Variants in NEDD9 observed in about 807,000 individuals in gnomAD.
NEDD9 encodes enhancer of filamentation 1.
A neutral mutation model predicts 76.6 loss-of-function variants in NEDD9; 26 were observed. That is an observed-to-expected ratio of 0.34 (90% confidence interval 0.25 to 0.47). The LOEUF (loss-of-function observed/expected upper bound fraction) is 0.47. Among genes scored for constraint, NEDD9 ranks in the 20% least tolerant of loss-of-function variants. The pLI, the probability that NEDD9 is intolerant of heterozygous loss-of-function variation, is 1.00. For missense variants in NEDD9, 937 were observed against 1,058.5 expected, an observed-to-expected ratio of 0.89 and a Z score of 1.59; for synonymous variants, 392 against 414.2, an observed-to-expected ratio of 0.95 and a Z score of 0.65.
intron 6 of NEDD9, among the ~76,000 whole-genome samples, chr6:11,187,547 A>G (rs1249597526): frequency 4.0e-5 from 6 of 150,670 alleles, no homozygotes; most frequent in Admixed American, 6.6e-5. Context: ...TAGAGACAGA[A>G]AGAGAGAGAG....
At chr6:11,325,391 G>A (rs992073753) in intron 2 of NEDD9, among the ~76,000 whole-genome samples, 3 of 151,628 alleles carry the variant, frequency 2.0e-5, no homozygotes, top group Admixed American at 6.6e-5. Context: ...ATTGAGAAGC[G>A]AAATAAAAGC....
At chr6:11,362,209 T>C (rs138405930) in intron 1 of NEDD9, among the ~76,000 whole-genome samples, 1 of 152,272 alleles carries the variant, frequency 6.6e-6, no homozygotes, top group Non-Finnish European at 1.5e-5. Context: ...GAGAATACAA[T>C]GAGAAGGCAG....
chr6:11,275,513 G>A (rs190277113), intron 3 of NEDD9, among the ~76,000 whole-genome samples: 165 of 151,422 alleles, frequency 1.1e-3, no homozygotes, highest in Non-Finnish European at 1.9e-3. Context: ...TAAAATATAC[G>A]CATTTCTTAT....
rs1039097037 is a variant in NEDD9 at position 11,367,973 on chromosome 6, G to A, written c.-214+14166C>T. 2.0e-5 allele frequency among the ~76,000 whole-genome samples: 3 copies of A among 152,224 alleles called. No homozygotes were observed. In the East Asian group the frequency reaches 5.8e-4, roughly 29 times the overall value. ...GGTTCTTAAAAGGGCTCTTCAGTGT[G>A]GTCAGGGCTGGTGATCAAAAGCATC... On this transcript the variant is annotated intron_variant, in intron 1 of 3. Transcript: ENST00000397378.
At chr6:11,339,139 A>G (rs771148677) in intron 1 of NEDD9, among the ~76,000 whole-genome samples, 1 of 152,104 alleles carries the variant, frequency 6.6e-6, no homozygotes, top group African/African-American at 2.4e-5. Context: ...GTGCAACCTT[A>G]TGTATGTGCA....
chr6:11,290,834 C>T (rs1006558647), intron 3 of NEDD9, among the ~76,000 whole-genome samples: 1 of 152,172 alleles, frequency 6.6e-6, no homozygotes, highest in Non-Finnish European at 1.5e-5. Context: ...AACATCTCTC[C>T]GAGGCAGGCA....
intron 2 of NEDD9, among the ~76,000 whole-genome samples, chr6:11,321,058 A>G (rs1296991174): frequency 4.0e-5 from 6 of 150,894 alleles, no homozygotes; most frequent in Admixed American, 1.3e-4. Flanking sequence ...ACAGAGAGAG[A>G]GAGAATGAAG....
In NEDD9 at chr6:11,198,099, C is replaced by G. The variant is rs1758333852; in HGVS notation, c.460-4407G>C. On this transcript the variant is annotated intron_variant, in intron 2 of 6. Transcript: ENST00000379446. The surrounding 1 kb of genome is among the most constrained non-coding windows in gnomAD (Gnocchi z 4.7). ...TGGTGCCGGGGAGACAGAACTCCTT[C>G]TACCGAAAGAGGGAAGACATTGCGC... is the stretch of plus-strand genomic sequence containing the variant. 6.6e-6 allele frequency among the ~76,000 whole-genome samples: 1 copy of G among 152,122 alleles called. No individual in the cohort carries two copies. The highest frequency in any genetic ancestry group is 1.5e-5 in the Non-Finnish European group (1 of 68,016).
chr6:11,331,445 A>G (rs1052003650), intron 2 of NEDD9, among the ~76,000 whole-genome samples: 2 of 152,176 alleles, frequency 1.3e-5, no homozygotes, highest in Non-Finnish European at 2.9e-5. Context: ...AGGAAGTATT[A>G]TATAAAACAG....
intron 1 of NEDD9, among the ~76,000 whole-genome samples, chr6:11,338,150 A>G (rs931899414): frequency 6.6e-5 from 10 of 152,348 alleles, no homozygotes; most frequent in African/African-American, 2.4e-4. Flanking sequence ...TGAAGTCACT[A>G]GAGCACACCC....
At chr6:11,228,984 G>A (rs1484864462) in intron 1 of NEDD9, among the ~76,000 whole-genome samples, 2 of 152,120 alleles carry the variant, frequency 1.3e-5, no homozygotes, top group African/African-American at 4.8e-5. Context: ...GGAAATAATT[G>A]GGAATTTAAT....
rs539534110 is a variant in NEDD9 at position 11,352,961 on chromosome 6, A to G, written c.-213-18400T>C. Among the ~76,000 whole-genome samples, 4 of 152,390 alleles carry G rather than the reference A, an allele frequency of 2.6e-5. No individual in the cohort carries two copies. In the South Asian group the frequency reaches 8.3e-4, roughly 32 times the overall value. On this transcript the variant is annotated intron_variant, in intron 1 of 3. Transcript: ENST00000397378. ...GATAAAAGCACATGTGGCACACAGT[A>G]GGCTCTTCAAGCACAAATGTGTCCT...
chr6:11,273,532 C>T (rs1467686946), intron 3 of NEDD9, among the ~76,000 whole-genome samples: 1 of 152,230 alleles, frequency 6.6e-6, no homozygotes, highest in Non-Finnish European at 1.5e-5. Flanking sequence ...TATCTGTGTG[C>T]GTTCACCTGT....
At chr6:11,349,701 T>C (rs1762428241) in intron 1 of NEDD9, among the ~76,000 whole-genome samples, 1 of 152,150 alleles carries the variant, frequency 6.6e-6, no homozygotes, top group African/African-American at 2.4e-5. Context: ...TTCTTACTTA[T>C]AAGTGGGAGC....
chr6:11,308,433 A>G (rs143416228), intron 2 of NEDD9, among the ~76,000 whole-genome samples: 2,325 of 138,180 alleles, frequency 0.017, 72 homozygotes, highest in African/African-American at 0.06. Context: ...GCAGTGGCGC[A>G]ATCTCGGCTC....
rs915685698 is a variant in NEDD9 at position 11,331,580 on chromosome 6, A to C, written c.-153+2921T>G. ...TAAAATGACAGTTCCATAACAAATT[A>C]TTGACTGGAGGAAACTGAAGATGTT... On this transcript the variant is annotated intron_variant, in intron 2 of 3. Coordinates refer to the NEDD9 transcript ENST00000397378. Among the ~76,000 whole-genome samples, 4 of 152,082 alleles carry C rather than the reference A, an allele frequency of 2.6e-5. No homozygotes were observed. In the East Asian group the frequency reaches 7.7e-4, roughly 29 times the overall value.
rs540502008 is a variant in NEDD9, at chr6:11,232,119, CAT to C, written c.12+383_12+384del. The stretch of plus-strand genomic sequence containing the variant: ...CAGACTATGCAGTCCTCATTCCTCT[CAT>C]TACAGTTCCCCAGGGCAGTGGAAGC... On this transcript the variant is annotated intron_variant, in intron 1 of 6. Coordinates refer to ENST00000379446, the MANE Select transcript of NEDD9 (RefSeq NM_006403.4). Among the ~76,000 whole-genome samples, 43 of 152,294 alleles carry C rather than the reference CAT, an allele frequency of 2.8e-4. 1 individual carries two copies. The highest frequency in any genetic ancestry group is 2.7e-3 in the Admixed American group (41 of 15,302).
rs1376223006 is a variant in NEDD9, at chr6:11,357,928, G to A, written c.-213-23367C>T. 2.0e-5 allele frequency among the ~76,000 whole-genome samples: 3 copies of A among 152,150 alleles called. No homozygotes were observed. In the East Asian group the frequency reaches 5.8e-4, roughly 29 times the overall value. On this transcript the variant is annotated intron_variant, in intron 1 of 3. Transcript: ENST00000397378. ...TCTTCCACCCAGGCAGTCCCTGTGG[G>A]TCCCGCCTCCAGAGGCAGCCATTCA... is the stretch of plus-strand genomic sequence containing the variant.
intron 3 of NEDD9, among the ~76,000 whole-genome samples, chr6:11,255,483 G>A (rs765526034): frequency 1.3e-5 from 2 of 152,174 alleles, no homozygotes; most frequent in African/African-American, 2.4e-5. Context: ...GGACTGAGGA[G>A]AATAGAATTA....
Sources: allele counts gnomAD v4.1 joint callset (sites outside exome capture counted in the v4.1 genomes callset), GRCh38; gene constraint gnomAD v4.1.1; non-coding constraint Gnocchi (gnomAD v3.1); transcripts MANE v1.5; gene names NCBI Gene and HGNC (gene_info 2026-07-23, HGNC 2026-07-21).